The following ARHGAP15 variants were observed in gnomAD, a reference collection of about 807,000 sequenced individuals.
ARHGAP15 encodes Rho GTPase activating protein 15, also known as rho GTPase-activating protein 15.
A neutral mutation model predicts 63.7 loss-of-function variants in ARHGAP15; 51 were observed. The ratio of observed to expected loss-of-function variants is 0.80; its 90% CI spans 0.64 to 1.01. ARHGAP15 has a LOEUF of 1.01. Ranked by LOEUF, ARHGAP15 falls within the 50% of genes least tolerant of loss-of-function variation. The pLI, the probability that ARHGAP15 is intolerant of heterozygous loss-of-function variation, is 0.00. For synonymous variants in ARHGAP15, 191 were observed against 193.8 expected, an observed-to-expected ratio of 0.99 and a Z score of 0.12; for missense variants, 560 against 564.6, an observed-to-expected ratio of 0.99 and a Z score of 0.08.
chr2:143,442,860 T>C (rs756945388), intron 8 of ARHGAP15, among the ~76,000 whole-genome samples: 40 of 152,148 alleles, frequency 2.6e-4, no homozygotes, highest in Non-Finnish European at 5.0e-4. Context: ...TAAAAGAATA[T>C]ACATATTTTC....
rs139913075 is a variant in ARHGAP15 at position 143,148,581 on chromosome 2, C to T, written c.-14-6896C>T. 5.9e-4 allele frequency among the ~76,000 whole-genome samples: 90 copies of T among 152,166 alleles called. 2 individuals are homozygous for T. Among genetic ancestry groups the T allele is most frequent in the African/African-American group, 2.0e-3 (83 of 41,538 alleles). On this transcript the variant is annotated intron_variant, in intron 1 of 13. Transcript: ENST00000295095. Reference sequence around the variant, plus strand: ...AATAACTGTATTACAATTTACCATGCTGCAGACTTGTCAGACTTTGTCAGC... The same window carrying T: ...AATAACTGTATTACAATTTACCATGTTGCAGACTTGTCAGACTTTGTCAGC...
intron 6 of ARHGAP15, among the ~76,000 whole-genome samples, chr2:143,284,859 C>T (rs1347430435): frequency 6.6e-6 from 1 of 152,102 alleles, no homozygotes; most frequent in African/African-American, 2.4e-5. Context: ...AAATTTTCAG[C>T]CTAAGAGTGG....
rs116558644 is a variant in ARHGAP15 at position 143,762,190 on chromosome 2, A to G, written c.1245-5799A>G. ...ATGATTTCTTGGGAGTAAATTAATGATGAGTCAACATACATCAAGAGGAAT... is the reference window on the plus strand; with the variant it reads ...ATGATTTCTTGGGAGTAAATTAATGGTGAGTCAACATACATCAAGAGGAAT... On this transcript the variant is annotated intron_variant, in intron 13 of 13. Coordinates refer to ENST00000295095, the MANE Select transcript of ARHGAP15 (RefSeq NM_018460.4). Among the ~76,000 whole-genome samples, 1,315 of 152,256 alleles carry G rather than the reference A, an allele frequency of 8.6e-3. 11 individuals are homozygous for G. The highest frequency in any genetic ancestry group is 0.043 in the South Asian group (206 of 4,822).
chr2:143,171,170 C>T (rs557673256), intron 2 of ARHGAP15, among the ~76,000 whole-genome samples: 316 of 152,226 alleles, frequency 2.1e-3, no homozygotes, highest in African/African-American at 6.8e-3. Flanking sequence ...TGCTTCACCT[C>T]ATGAACATGG....
intron 6 of ARHGAP15, among the ~76,000 whole-genome samples, chr2:143,285,183 T>C (rs2105096706): frequency 6.6e-6 from 1 of 152,272 alleles, no homozygotes; most frequent in East Asian, 1.9e-4. Context: ...TTAGATTAAC[T>C]GCCTTCACAC....
At chr2:143,510,010 C>T (rs1327981869) in intron 9 of ARHGAP15, among the ~76,000 whole-genome samples, 1 of 92,286 alleles carries the variant, frequency 1.1e-5, no homozygotes, top group Non-Finnish European at 2.1e-5. Flanking sequence ...CAGAGTAAGA[C>T]TCCCTCTTAA....
intron 2 of ARHGAP15, among the ~76,000 whole-genome samples, chr2:143,158,750 A>G (rs1042550173): frequency 5.3e-5 from 8 of 152,016 alleles, no homozygotes; most frequent in Non-Finnish European, 1.5e-5. Context: ...GAGACCTCTT[A>G]AAGGTAGACA....
intron 6 of ARHGAP15, among the ~76,000 whole-genome samples, chr2:143,261,330 T>A (rs910116758): frequency 1.7e-5 from 2 of 115,718 alleles, no homozygotes; most frequent in African/African-American, 4.1e-5. Context: ...ATGACCTTTT[T>A]TTTTTTTTTT....
intron 13 of ARHGAP15, among the ~76,000 whole-genome samples, chr2:143,743,485 G>A (rs1363852883): frequency 6.6e-6 from 1 of 152,088 alleles, no homozygotes; most frequent in Non-Finnish European, 1.5e-5. Flanking sequence ...TCCCGCAGAT[G>A]TTCTTTCCCT....
chr2:143,386,951 T>C (rs1005901808), intron 6 of ARHGAP15, among the ~76,000 whole-genome samples: 3 of 151,902 alleles, frequency 2.0e-5, no homozygotes, highest in Non-Finnish European at 2.9e-5. Context: ...GGGAGCTAAG[T>C]GATAAGAACT....
chr2:143,709,637 T>C (rs937429006), intron 13 of ARHGAP15, among the ~76,000 whole-genome samples: 1 of 151,934 alleles, frequency 6.6e-6, no homozygotes, highest in African/African-American at 2.4e-5. Flanking sequence ...CCAGAAACTG[T>C]TGAGCTGGGG....
intron 12 of ARHGAP15, among the ~76,000 whole-genome samples, chr2:143,696,652 G>A (rs1336582663): frequency 6.6e-6 from 1 of 152,050 alleles, no homozygotes; most frequent in Middle Eastern, 3.2e-3. Context: ...TTTTGATACT[G>A]ACAATTATTG....
intron 1 of ARHGAP15, among the ~76,000 whole-genome samples, chr2:143,136,877 A>C (rs1020547941): frequency 1.3e-5 from 2 of 152,078 alleles, no homozygotes; most frequent in East Asian, 3.9e-4. Flanking sequence ...GGAATGAATT[A>C]GATATTAAGC....
intron 6 of ARHGAP15, among the ~76,000 whole-genome samples, chr2:143,356,248 G>A (rs1017089733): frequency 6.6e-6 from 1 of 152,142 alleles, no homozygotes; most frequent in Non-Finnish European, 1.5e-5. Context: ...TTTAATGGTT[G>A]CTTGGAGAGA....
intron 6 of ARHGAP15, among the ~76,000 whole-genome samples, chr2:143,381,459 GA>G (rs34688880): frequency 0.34 from 51,355 of 151,238 alleles, 8,786 homozygotes; most frequent in East Asian, 0.42. Flanking sequence ...GCAAAAGATT[GA>G]AAAAAAAATT....
At chr2:143,733,899 TAAA>T (rs1228547337) in intron 13 of ARHGAP15, among the ~76,000 whole-genome samples, 2 of 152,204 alleles carry the variant, frequency 1.3e-5, no homozygotes, top group East Asian at 1.9e-4. Context: ...AAAATTTTCT[TAAA>T]AAATTATTTA....
intron 9 of ARHGAP15, among the ~76,000 whole-genome samples, chr2:143,499,231 A>G (rs1436510471): frequency 1.3e-5 from 2 of 152,176 alleles, no homozygotes; most frequent in Non-Finnish European, 2.9e-5. Context: ...TGTTTGATGT[A>G]TGGTTTACCA....
intron 9 of ARHGAP15, among the ~76,000 whole-genome samples, chr2:143,500,897 T>A (rs899453488): frequency 2.6e-5 from 4 of 152,340 alleles, no homozygotes; most frequent in East Asian, 3.9e-4. Context: ...AATGATTTTT[T>A]AAAATCTATC....
Position 143,155,665 on chromosome 2 carries a change from A to T in ARHGAP15, c.165+10A>T, listed in dbSNP as rs768816500. The stretch of plus-strand genomic sequence containing the variant: ...GAAGGTCACTGAACCTGTAAGTCAA[A>T]TACCCCAAATATCCCAAGTTCCTTG... On this transcript the variant is annotated intron_variant, in intron 2 of 13. Coordinates refer to ENST00000295095, the MANE Select transcript of ARHGAP15 (RefSeq NM_018460.4). The T allele has an allele frequency of 1.3e-6, 2 of 1,541,424 alleles. No homozygotes were observed. Among genetic ancestry groups the T allele is most frequent in the Non-Finnish European group, 1.7e-6 (2 of 1,150,024 alleles).
Sources: allele counts gnomAD v4.1 joint callset (sites outside exome capture counted in the v4.1 genomes callset), GRCh38; gene constraint gnomAD v4.1.1; transcripts MANE v1.5; gene names NCBI Gene and HGNC (gene_info 2026-07-23, HGNC 2026-07-21).